Variants in DCC observed in about 807,000 individuals in gnomAD.
DCC encodes the protein netrin receptor DCC.
In DCC, 58 loss-of-function variants were observed where a neutral mutation model predicts 172.5. That is an observed-to-expected ratio of 0.34 (90% CI 0.27 to 0.42). The LOEUF is 0.42. Among genes scored for constraint, DCC ranks in the 10% least tolerant of loss-of-function variants. The pLI is 1.00. For missense variants in DCC, 1,740 were observed against 1,791.0 expected, an observed-to-expected ratio of 0.97 and a Z score of 0.51; for synonymous variants, 709 against 644.5, an observed-to-expected ratio of 1.10 and a Z score of -1.52.
At chr18:53,317,008 C>T (rs894950983) in intron 13 of DCC, among the ~76,000 whole-genome samples, 2 of 152,224 alleles carry the variant, frequency 1.3e-5, no homozygotes, top group African/African-American at 2.4e-5. Flanking sequence ...TGAGAGAGGG[C>T]ATCCTTGTCT....
intron 5 of DCC, among the ~76,000 whole-genome samples, chr18:53,040,218 A>T (rs1481982909): frequency 6.6e-6 from 1 of 152,056 alleles, no homozygotes; most frequent in Non-Finnish European, 1.5e-5. Context: ...AACAGTTACT[A>T]TGTGCTAGGC....
intron 1 of DCC, among the ~76,000 whole-genome samples, chr18:52,431,037 T>A (rs567131738): frequency 1.6e-4 from 25 of 152,274 alleles, no homozygotes; most frequent in Non-Finnish European, 3.1e-4. Flanking sequence ...TGGACACATA[T>A]GGAAAGGTAC....
intron 8 of DCC, among the ~76,000 whole-genome samples, chr18:53,178,490 G>A (rs1310171383): frequency 1.3e-5 from 2 of 152,116 alleles, no homozygotes; most frequent in Non-Finnish European, 2.9e-5. Context: ...AAGCATCTGC[G>A]TTTTCCTTTC....
chr18:53,443,532 C>A (rs1912408417), intron 22 of DCC, among the ~76,000 whole-genome samples: 1 of 152,200 alleles, frequency 6.6e-6, no homozygotes, highest in Admixed American at 6.5e-5. Flanking sequence ...TGTTTTCATG[C>A]CTGCTAACAC....
intron 9 of DCC, among the ~76,000 whole-genome samples, chr18:53,201,353 A>G (rs976992976): frequency 2.0e-5 from 3 of 152,154 alleles, no homozygotes; most frequent in African/African-American, 7.2e-5. Context: ...ACATTCAATG[A>G]GTACTTTACT....
At chr18:52,413,667 ATC>A (rs1371664427) in intron 1 of DCC, among the ~76,000 whole-genome samples, 1 of 152,020 alleles carries the variant, frequency 6.6e-6, no homozygotes, top group Non-Finnish European at 1.5e-5. Flanking sequence ...TAGTACCTTT[ATC>A]TCTATGAGGT....
intron 21 of DCC, among the ~76,000 whole-genome samples, chr18:53,424,807 C>T (rs1253443957): frequency 3.3e-5 from 5 of 152,142 alleles, no homozygotes; most frequent in Non-Finnish European, 2.9e-5. Context: ...AGAGTAGTAC[C>T]TTATGGCAGA....
chr18:53,203,202 TGTGTGTGTGTGTG>T (rs1247785939), intron 9 of DCC, among the ~76,000 whole-genome samples: 2 of 90,034 alleles, frequency 2.2e-5, no homozygotes, highest in African/African-American at 4.2e-5. Context: ...TAGATTCTCT[TGTGTGTGTGTGTG>T]TGTGTGTGTG....
intron 2 of DCC, among the ~76,000 whole-genome samples, chr18:52,802,441 C>T (rs998042025): frequency 2.0e-5 from 3 of 149,598 alleles, no homozygotes; most frequent in Non-Finnish European, 4.4e-5. Context: ...CCAACCCCCA[C>T]ACAATCAAAA....
chr18:53,116,597 A>G (rs1441088662), intron 7 of DCC, among the ~76,000 whole-genome samples: 2 of 151,674 alleles, frequency 1.3e-5, no homozygotes, highest in African/African-American at 2.4e-5. Flanking sequence ...AGTTGCAGCT[A>G]TTCATTATTG....
intron 7 of DCC, 109 bp from the exon 8 acceptor site, chr18:53,157,247 A>G (rs1247810005): frequency 4.6e-6 from 6 of 1,312,678 alleles, no homozygotes; most frequent in Non-Finnish European, 6.6e-6. Context: ...CTTTAGAATC[A>G]AGGTGACTAT....
At chr18:53,189,718 C>T (rs1413211141) in intron 9 of DCC, among the ~76,000 whole-genome samples, 1 of 152,098 alleles carries the variant, frequency 6.6e-6, no homozygotes, top group East Asian at 1.9e-4. Context: ...ATAGCACTTT[C>T]TGAATATTAA....
At chr18:52,736,284 A>AT (rs2036727337) in intron 1 of DCC, among the ~76,000 whole-genome samples, 1 of 151,722 alleles carries the variant, frequency 6.6e-6, no homozygotes, top group Admixed American at 6.6e-5. Context: ...TAAACATAAA[A>AT]AAAAAAAAAA....
intron 1 of DCC, among the ~76,000 whole-genome samples, chr18:52,749,894 T>G (rs61125898): frequency 0.022 from 3,356 of 152,302 alleles, 123 homozygotes; most frequent in African/African-American, 0.076. Context: ...TTATTTCTTC[T>G]TTATTAATGC....
At chr18:52,515,889 C>T (rs1052813127) in intron 1 of DCC, among the ~76,000 whole-genome samples, 3 of 77,044 alleles carry the variant, frequency 3.9e-5, no homozygotes, top group African/African-American at 1.4e-4. Context: ...AAGGAATTCT[C>T]AAAACTAAAC....
intron 7 of DCC, among the ~76,000 whole-genome samples, chr18:53,149,412 G>A (rs1035902295): frequency 3.3e-5 from 5 of 152,140 alleles, no homozygotes; most frequent in African/African-American, 7.2e-5. Flanking sequence ...GCCCAGAGAG[G>A]CTAAATACCT....
chr18:53,474,961 G>A (rs927865974), intron 25 of DCC, among the ~76,000 whole-genome samples: 1 of 152,230 alleles, frequency 6.6e-6, no homozygotes, highest in African/African-American at 2.4e-5. Flanking sequence ...ACAGTCTGAG[G>A]TGGTCTCAGA....
intron 1 of DCC, among the ~76,000 whole-genome samples, chr18:52,444,060 GA>G (rs1235320332): frequency 6.6e-6 from 1 of 152,178 alleles, no homozygotes; most frequent in Non-Finnish European, 1.5e-5. Context: ...TCTGTCTCAA[GA>G]ACCTGGACTG....
chr18:52,677,589 T>C (rs1488293546), intron 1 of DCC, among the ~76,000 whole-genome samples: 1 of 152,166 alleles, frequency 6.6e-6, no homozygotes, highest in Non-Finnish European at 1.5e-5. Context: ...CATCTCTTAC[T>C]GGTAAAGAAG....
Sources: gnomAD v4.1 joint callset for allele counts (sites outside exome capture counted in the v4.1 genomes callset) on GRCh38, gnomAD v4.1.1 for gene constraint, MANE v1.5 for transcripts, NCBI Gene and HGNC (gene_info 2026-07-23, HGNC 2026-07-21) for gene names.